The following DLGAP1 variants were observed in gnomAD, a reference collection of about 807,000 sequenced individuals.
DLGAP1 encodes the protein DLG associated protein 1.
A neutral mutation model predicts 90.8 loss-of-function variants in DLGAP1; 11 were observed. The observed-to-expected ratio is 0.12, with a 90% CI of 0.08 to 0.20. The LOEUF (loss-of-function observed/expected upper bound fraction) is 0.20, where lower values mean the gene tolerates loss of function less well. Ranked by LOEUF, DLGAP1 falls within the 10% of genes least tolerant of loss-of-function variation. The pLI, the probability that DLGAP1 is intolerant of heterozygous loss-of-function variation, is 1.00. For missense variants in DLGAP1, 1,050 were observed against 1,333.8 expected (o/e 0.79, Z 3.31); for synonymous variants, 558 against 540.7 (o/e 1.03, Z -0.44).
At chr18:3,758,949 C>T (rs2063832431) in intron 5 of DLGAP1, among the ~76,000 whole-genome samples, 1 of 152,126 alleles carries the variant, frequency 6.6e-6, no homozygotes, top group Admixed American at 6.5e-5. Flanking sequence ...TCTATTTCAC[C>T]AACCAATGTG....
At chr18:4,424,113 T>G (rs1484889504) in intron 1 of DLGAP1, among the ~76,000 whole-genome samples, 1 of 152,108 alleles carries the variant, frequency 6.6e-6, no homozygotes, top group Non-Finnish European at 1.5e-5. Context: ...ATCATGCCAC[T>G]GCACTTTAGC....
chr18:3,508,586 A>T lies in DLGAP1; in HGVS notation c.2555T>A (p.Leu852Gln). 1 of 1,612,956 alleles carries T rather than the reference A, an allele frequency of 6.2e-7. No homozygotes were observed. The highest frequency in any genetic ancestry group is 8.5e-7 in the Non-Finnish European group (1 of 1,179,508). The change falls in exon 11 of 13, where the codon CTG (leucine) becomes CAG (glutamine). Residue 852 changes from leucine (L) to glutamine (Q), a missense_variant. Around this residue, in one of 2 missense-constraint regions of DLGAP1, gnomAD observed 565 missense variants for 879.7 expected, o/e 0.64. Transcript: ENST00000315677. ...MAQKFYQFRE[L>Q]CEENLNPNAH... ...GTTACCTACCAGGTTTTCTTCACACAGTTCTCTGAACTGGTAGAATTTCTG... is the reference window on the plus strand; with the variant it reads ...GTTACCTACCAGGTTTTCTTCACACTGTTCTCTGAACTGGTAGAATTTCTG...
intron 5 of DLGAP1, among the ~76,000 whole-genome samples, chr18:3,808,941 T>C (rs2066695763): frequency 6.6e-6 from 1 of 152,194 alleles, no homozygotes; most frequent in African/African-American, 2.4e-5. Context: ...TCCATCTACC[T>C]CTTCTCAAAT....
intron 3 of DLGAP1, among the ~76,000 whole-genome samples, chr18:4,001,655 T>C (rs2074188291): frequency 6.6e-6 from 1 of 152,196 alleles, no homozygotes; most frequent in Non-Finnish European, 1.5e-5. Context: ...CTGCGTCTTC[T>C]TTCTTTTGCC....
intron 2 of DLGAP1, among the ~76,000 whole-genome samples, chr18:4,021,072 T>G (rs2074601062): frequency 6.6e-6 from 1 of 152,190 alleles, no homozygotes; most frequent in Non-Finnish European, 1.5e-5. Flanking sequence ...CCCCACTTCC[T>G]GAGCCCCTAC....
intron 5 of DLGAP1, among the ~76,000 whole-genome samples, chr18:3,785,336 G>A (rs1045459613): frequency 6.6e-6 from 1 of 152,118 alleles, no homozygotes; most frequent in Non-Finnish European, 1.5e-5. Flanking sequence ...GCTTTGTAGG[G>A]GCCCAAGGAA....
chr18:4,179,310 G>A (rs749233420), intron 1 of DLGAP1, among the ~76,000 whole-genome samples: 9 of 152,068 alleles, frequency 5.9e-5, no homozygotes, highest in Non-Finnish European at 1.2e-4. Flanking sequence ...AAATGACACC[G>A]GCAACTGTAA....
intron 2 of DLGAP1, among the ~76,000 whole-genome samples, chr18:4,029,615 T>C (rs886859507): frequency 6.6e-6 from 1 of 152,220 alleles, no homozygotes; most frequent in Non-Finnish European, 1.5e-5. Flanking sequence ...CTAAGTGACT[T>C]GCTAATGCCC....
chr18:3,543,762 C>T lies in DLGAP1; in HGVS notation c.2058-9147G>A, dbSNP rs114386286. Among the ~76,000 whole-genome samples the T allele has an allele frequency of 2.8e-3, 432 of 152,256 alleles. 2 individuals are homozygous for T. Among genetic ancestry groups the T allele is most frequent in the African/African-American group, 0.01 (421 of 41,560 alleles). ...CCTTTGACTGACTGGAGCGAGTTTC[C>T]AGGGAGTGGTCCCCATGGGGAGTCG... is the stretch of plus-strand genomic sequence containing the variant. On this transcript the variant is annotated intron_variant, in intron 9 of 12. Coordinates refer to ENST00000315677, the MANE Select transcript of DLGAP1 (RefSeq NM_004746.4).
intron 2 of DLGAP1, among the ~76,000 whole-genome samples, chr18:4,041,800 G>A (rs1299198328): frequency 6.6e-6 from 1 of 152,156 alleles, no homozygotes; most frequent in African/African-American, 2.4e-5. Flanking sequence ...CTTCATCTCT[G>A]TTAGGGATTT....
intron 7 of DLGAP1, among the ~76,000 whole-genome samples, chr18:3,646,357 C>T (rs149292547): frequency 1.7e-3 from 254 of 152,044 alleles, no homozygotes; most frequent in African/African-American, 5.2e-3. Flanking sequence ...TGTATCACTG[C>T]GCTCTAGCCT....
At chr18:4,106,561 A>G (rs866381534) in intron 2 of DLGAP1, among the ~76,000 whole-genome samples, 6 of 152,204 alleles carry the variant, frequency 3.9e-5, no homozygotes, top group African/African-American at 1.4e-4. Flanking sequence ...TGCTAAAATA[A>G]ATGCATAAAT....
At chr18:3,849,097 A>G (rs2069190198) in intron 4 of DLGAP1, among the ~76,000 whole-genome samples, 1 of 152,154 alleles carries the variant, frequency 6.6e-6, no homozygotes, top group Non-Finnish European at 1.5e-5. Flanking sequence ...TACTGGAGGC[A>G]TGATTCCCTT....
rs1038177461 is a variant in DLGAP1, at chr18:3,863,329, C to T, written c.957+15783G>A. 3.3e-5 allele frequency among the ~76,000 whole-genome samples: 5 copies of T among 152,184 alleles called. No individual in the cohort carries two copies. In the South Asian group the frequency reaches 1.0e-3, roughly 32 times the overall value. Reference sequence around the variant, plus strand: ...TTTGCTTTATGCCTCATGTGTTCATCCAGTTTCTCATAGCACATTTTTAAT... The same window carrying T: ...TTTGCTTTATGCCTCATGTGTTCATTCAGTTTCTCATAGCACATTTTTAAT... On this transcript the variant is annotated intron_variant, in intron 4 of 12. Coordinates refer to ENST00000315677, the MANE Select transcript of DLGAP1 (RefSeq NM_004746.4).
chr18:3,580,695 A>G (rs2055444904), intron 8 of DLGAP1: 10 of 1,613,238 alleles, frequency 6.2e-6, no homozygotes, highest in Admixed American at 5.0e-5. Flanking sequence ...GGTGGCCACA[A>G]TGATCACAGT....
At chr18:4,181,119 C>T (rs1466918657) in intron 1 of DLGAP1, among the ~76,000 whole-genome samples, 1 of 152,188 alleles carries the variant, frequency 6.6e-6, no homozygotes. Flanking sequence ...GGATTTTTCA[C>T]ATCTCTTTTA....
At chr18:3,811,409 A>G (rs547427704) in intron 5 of DLGAP1, among the ~76,000 whole-genome samples, 2 of 152,320 alleles carry the variant, frequency 1.3e-5, no homozygotes, top group African/African-American at 4.8e-5. Flanking sequence ...TTGGCACACT[A>G]TCCGTCTTAC....
At chr18:4,154,880 G>A (rs1197704229) in intron 1 of DLGAP1, among the ~76,000 whole-genome samples, 1 of 152,176 alleles carries the variant, frequency 6.6e-6, no homozygotes, top group Non-Finnish European at 1.5e-5. Context: ...GCACTATCTA[G>A]GGGATGAGAA....
At chr18:4,018,642 G>A (rs2074560041) in intron 2 of DLGAP1, among the ~76,000 whole-genome samples, 1 of 152,242 alleles carries the variant, frequency 6.6e-6, no homozygotes, top group Admixed American at 6.5e-5. Flanking sequence ...ATAAATGAGT[G>A]GTTATTAGGA....
Sources: allele counts gnomAD v4.1 joint callset (sites outside exome capture counted in the v4.1 genomes callset), GRCh38; gene constraint gnomAD v4.1.1; regional missense constraint gnomAD v4.1.1; transcripts MANE v1.5; gene names NCBI Gene and HGNC (gene_info 2026-07-23, HGNC 2026-07-21).